CAPZA2: variants seen among roughly 807,000 people sequenced by gnomAD.
CAPZA2 encodes F-actin-capping protein subunit alpha-2.
CAPZA2 carries 13 observed loss-of-function variants against 44.0 expected under a neutral mutation model. The observed-to-expected ratio is 0.30, with a 90% CI of 0.19 to 0.47. The LOEUF (loss-of-function observed/expected upper bound fraction) is 0.47, where lower values mean the gene tolerates loss of function less well. CAPZA2 is among the 20% of genes least tolerant of loss of function. The pLI, the probability that CAPZA2 is intolerant of heterozygous loss-of-function variation, is 1.00. For synonymous variants in CAPZA2, 94 were observed against 108.2 expected, an observed-to-expected ratio of 0.87 and a Z score of 0.81; for missense variants, 244 against 338.6, an observed-to-expected ratio of 0.72 and a Z score of 2.19.
intron 6 of CAPZA2, among the ~76,000 whole-genome samples, chr7:116,907,951 C>T (rs1161211569): frequency 3.9e-5 from 6 of 152,256 alleles, no homozygotes; most frequent in Admixed American, 3.3e-4. Context: ...ACAATAGTCT[C>T]AGTAAAATCT....
chr7:116,891,948 G>A (rs1454675977), intron 2 of CAPZA2, among the ~76,000 whole-genome samples: 1 of 152,128 alleles, frequency 6.6e-6, no homozygotes, highest in Non-Finnish European at 1.5e-5. Context: ...GTACAAAAAA[G>A]AATCTAAACT....
At chr7:116,875,546 T>A (rs1412666570) in intron 1 of CAPZA2, 1 of 151,928 alleles carries the variant, frequency 6.6e-6, no homozygotes, top group Non-Finnish European at 1.5e-5. Context: ...AGGGTTTTTT[T>A]TTTTTATTTT....
Position 116,920,058 on chromosome 7 carries a change from C to A in CAPZA2, c.*2191C>A, listed in dbSNP as rs1195736754. 6.6e-6 allele frequency: 1 copy of A among 151,048 alleles called. No homozygotes were observed. Among genetic ancestry groups the A allele is most frequent in the Admixed American group, 6.6e-5 (1 of 15,136 alleles). The allele number at this position is 151,048 out of a possible 1,614,324, so 9.4% of individuals were successfully genotyped here. A position where few individuals can be genotyped will look rare whatever the true frequency, so the allele number is the denominator to read the frequency against. On this transcript the variant is annotated 3_prime_UTR_variant, in exon 10 of 10. Coordinates refer to ENST00000361183, the MANE Select transcript of CAPZA2 (RefSeq NM_006136.3). ...AGGAGTTCGAGACCAGCCTGACCAA[C>A]ATGCTGAAACCCCGTCTCTACTAAA... is the stretch of plus-strand genomic sequence containing the variant.
chr7:116,862,681 G>A (rs955114682), intron 1 of CAPZA2, 31 bp downstream of exon 1: 6 of 1,519,538 alleles, frequency 3.9e-6, no homozygotes, highest in Non-Finnish European at 5.3e-6. Context: ...GGCGCGGGCT[G>A]TCAGGAGCCG....
chr7:116,881,133 TTGC>T (rs1194329433), intron 1 of CAPZA2, among the ~76,000 whole-genome samples: 1 of 152,216 alleles, frequency 6.6e-6, no homozygotes, highest in Non-Finnish European at 1.5e-5. Flanking sequence ...ACATCACTTC[TTGC>T]TGCCTGCTAA....
At chr7:116,912,030 T>C (rs1488244396) in intron 7 of CAPZA2, 39 bp from the exon 8 acceptor site, 1 of 1,608,402 alleles carries the variant, frequency 6.2e-7, no homozygotes, top group South Asian at 1.1e-5. Context: ...TTCTTGATGA[T>C]TCCTGTAATG....
At chr7:116,883,021 T>A (rs1342260350) in intron 1 of CAPZA2, among the ~76,000 whole-genome samples, 1 of 152,208 alleles carries the variant, frequency 6.6e-6, no homozygotes, top group African/African-American at 2.4e-5. Flanking sequence ...TTTCGTGATT[T>A]TGACTCCAGT....
intron 2 of CAPZA2, among the ~76,000 whole-genome samples, chr7:116,889,839 C>G (rs1473549957): frequency 6.6e-6 from 1 of 152,198 alleles, no homozygotes; most frequent in Non-Finnish European, 1.5e-5. Flanking sequence ...TTTAATATAA[C>G]TACAAAATCT....
chr7:116,893,063 T>C lies in CAPZA2; in HGVS notation c.155+18T>C, dbSNP rs775964863. On this transcript the variant is annotated intron_variant, in intron 3 of 9. Transcript: ENST00000361183. ...GCAGCCCAGTAAGTATTATTTATCA[T>C]ACTAACCTAACTAAAATGACATGGG... 2.6e-6 allele frequency: 4 copies of C among 1,514,010 alleles called. No homozygotes were observed. The highest frequency in any genetic ancestry group is 3.7e-5 in the Admixed American group (2 of 53,958). The allele number at this position is 1,514,010 out of a possible 1,614,324, so 93.8% of individuals were successfully genotyped here.
intron 1 of CAPZA2, among the ~76,000 whole-genome samples, chr7:116,868,683 G>A (rs574687477): frequency 6.6e-6 from 1 of 152,286 alleles, no homozygotes; most frequent in Non-Finnish European, 1.5e-5. Flanking sequence ...GCAGTGAGCG[G>A]TGATCGCACC....
chr7:116,903,756 A>G (rs1797025398), intron 4 of CAPZA2, among the ~76,000 whole-genome samples: 2 of 152,212 alleles, frequency 1.3e-5, no homozygotes, highest in Non-Finnish European at 1.5e-5. Context: ...GGGACACACC[A>G]AAGAGGATTT....
chr7:116,867,948 G>A (rs1324072220), intron 1 of CAPZA2, among the ~76,000 whole-genome samples: 3 of 152,196 alleles, frequency 2.0e-5, no homozygotes, highest in Admixed American at 2.0e-4. Flanking sequence ...GCTCTGAAAT[G>A]TTAGAATGTT....
In CAPZA2 at chr7:116,890,777, C is replaced by CAAAA. The variant is rs576504004; in HGVS notation, c.104-2198_104-2195dup. Among the ~76,000 whole-genome samples, 159 of 52,506 alleles carry CAAAA rather than the reference C, an allele frequency of 3.0e-3. 2 individuals carry two copies. Among genetic ancestry groups the CAAAA allele is most frequent in the Middle Eastern group, 0.013 (1 of 78 alleles). The allele number at this position is 52,506 out of a possible 152,430, so 34.4% of individuals were successfully genotyped here. A position where few individuals can be genotyped will look rare whatever the true frequency, so the allele number is the denominator to read the frequency against. On this transcript the variant is annotated intron_variant, in intron 2 of 9. Coordinates refer to ENST00000361183, the MANE Select transcript of CAPZA2 (RefSeq NM_006136.3). Reference sequence around the variant, plus strand: ...TGGGTGACAGAGTGAGACTCTGTCTCAAAAAAAAAAAAAAAAAAAAAAGAG... The same window carrying CAAAA: ...TGGGTGACAGAGTGAGACTCTGTCTCAAAAAAAAAAAAAAAAAAAAAAAAAAGAG...
intron 5 of CAPZA2, among the ~76,000 whole-genome samples, chr7:116,905,501 C>A (rs943587234): frequency 1.3e-5 from 2 of 152,114 alleles, no homozygotes; most frequent in Non-Finnish European, 2.9e-5. Context: ...TCACCAGTAG[C>A]GTACCCCATT....
chr7:116,912,385 A>G (rs568388128), intron 8 of CAPZA2, among the ~76,000 whole-genome samples: 1 of 151,946 alleles, frequency 6.6e-6, no homozygotes, highest in South Asian at 2.1e-4. Flanking sequence ...GTATATTACT[A>G]ACAGGGTTGG....
chr7:116,886,891 A>G (rs932090777), intron 1 of CAPZA2, among the ~76,000 whole-genome samples: 2 of 152,190 alleles, frequency 1.3e-5, no homozygotes, highest in African/African-American at 2.4e-5. Context: ...CACATCATCT[A>G]CCCTCTCAGA....
intron 7 of CAPZA2, 54 bp downstream of exon 7, chr7:116,910,365 A>G: frequency 1.2e-6 from 1 of 853,152 alleles, no homozygotes. Flanking sequence ...CAGAGAAACA[A>G]CTAATTCCTA....
intron 9 of CAPZA2, 150 bp from the exon 10 acceptor site, chr7:116,917,577 G>A: frequency 3.1e-6 from 2 of 650,300 alleles, no homozygotes; most frequent in Non-Finnish European, 5.4e-6. Context: ...CTGTTAAACA[G>A]CTTTTAAAAC....
chr7:116,912,662 T>C (rs1182646203), intron 8 of CAPZA2, among the ~76,000 whole-genome samples: 2 of 152,220 alleles, frequency 1.3e-5, no homozygotes, highest in African/African-American at 4.8e-5. Flanking sequence ...TATTAGTACG[T>C]TGTTCCTTTT....
Sources: gnomAD v4.1 joint callset for allele counts (sites outside exome capture counted in the v4.1 genomes callset) on GRCh38, gnomAD v4.1.1 for gene constraint, MANE v1.5 for transcripts, NCBI Gene and HGNC (gene_info 2026-07-23, HGNC 2026-07-21) for gene names.